SNX9: variants seen among roughly 807,000 people sequenced by gnomAD.
SNX9 encodes the protein sorting nexin-9.
In SNX9, 44 loss-of-function variants were observed where a neutral mutation model predicts 89.4. The ratio of observed to expected loss-of-function variants is 0.49; its 90% confidence interval spans 0.39 to 0.63. The LOEUF (loss-of-function observed/expected upper bound fraction) is 0.63, where lower values mean the gene tolerates loss of function less well. Among genes scored for constraint, SNX9 ranks in the 30% least tolerant of loss-of-function variants. The pLI is 0.00. For synonymous variants in SNX9, 236 were observed against 247.8 expected, an observed-to-expected ratio of 0.95 and a Z score of 0.45; for missense variants, 578 against 736.1, an observed-to-expected ratio of 0.79 and a Z score of 2.49.
At chr6:157,912,684 T>C (rs1193937016) in intron 9 of SNX9, among the ~76,000 whole-genome samples, 3 of 152,210 alleles carry the variant, frequency 2.0e-5, no homozygotes, top group Non-Finnish European at 4.4e-5. Flanking sequence ...TAGGTGATGC[T>C]ATGACATTCC....
intron 1 of SNX9, among the ~76,000 whole-genome samples, chr6:157,856,318 C>T (rs962118363): frequency 2.6e-5 from 4 of 152,186 alleles, no homozygotes; most frequent in Non-Finnish European, 4.4e-5. Flanking sequence ...CCATTATCCA[C>T]CTTTGGCAAC....
intron 4 of SNX9, among the ~76,000 whole-genome samples, chr6:157,880,134 G>A (rs796186679): frequency 3.9e-5 from 6 of 152,326 alleles, no homozygotes; most frequent in African/African-American, 1.4e-4. Flanking sequence ...GTGGTGGGAA[G>A]CATGTAAGCT....
intron 11 of SNX9, 80 bp downstream of exon 11, chr6:157,927,294 G>A (rs1783714380): frequency 1.4e-5 from 14 of 978,918 alleles, no homozygotes; most frequent in Admixed American, 1.9e-5. Flanking sequence ...CAGTGTAGCC[G>A]CAGCCGAAAC....
Position 157,935,990 on chromosome 6 carries a change from A to G in SNX9, c.1393A>G (p.Thr465Ala). ...QGETDLNDAI[T>A]EAGKTYEEIA... ...TGAAACAGATCTCAATGATGCAATA[A>G]CAGAAGCAGGAAAGACTTATGAAGA... Residue 465 changes from threonine (T) to alanine (A), a missense_variant, in exon 14 of 18, where the codon ACA becomes GCA. Thr to Ala is a moderately conservative substitution (Grantham distance 58). Around this residue, in one of 2 missense-constraint regions of SNX9, gnomAD observed 348 missense variants for 491.4 expected, o/e 0.71. Coordinates refer to ENST00000392185, the MANE Select transcript of SNX9 (RefSeq NM_016224.5). 3 of 1,613,066 alleles carry G rather than the reference A, an allele frequency of 1.9e-6. No individual in the cohort carries two copies. The highest frequency in any genetic ancestry group is 2.5e-6 in the Non-Finnish European group (3 of 1,179,406).
chr6:157,856,616 C>A (rs936850707), intron 1 of SNX9, among the ~76,000 whole-genome samples: 2 of 152,166 alleles, frequency 1.3e-5, no homozygotes, highest in Admixed American at 6.5e-5. Flanking sequence ...ATTACTATCA[C>A]GATCAATCTT....
Position 157,847,201 on chromosome 6 carries a change from C to T in SNX9, c.13-20346C>T, listed in dbSNP as rs1252974310. Reference sequence around the variant, plus strand: ...CACTGCAGCTTCCACCTCTTGGGCTCAGGTGATCCTCCTACCTCAGCCTCC... The same window carrying T: ...CACTGCAGCTTCCACCTCTTGGGCTTAGGTGATCCTCCTACCTCAGCCTCC... On this transcript the variant is annotated intron_variant, in intron 1 of 17. Coordinates refer to ENST00000392185, the MANE Select transcript of SNX9 (RefSeq NM_016224.5). Among the ~76,000 whole-genome samples the T allele has an allele frequency of 2.0e-5, 3 of 152,152 alleles. No individual in the cohort carries two copies. The East Asian group carries it at 5.8e-4, about 29-fold the overall frequency.
rs760125133 is a variant in SNX9 at position 157,909,697 on chromosome 6, T to C, written c.738T>C (p.Pro246=). 7.4e-6 allele frequency: 12 copies of C among 1,614,126 alleles called. No individual in the cohort carries two copies. The highest frequency in any genetic ancestry group is 2.2e-5 in the East Asian group (1 of 44,898). ...VGDYGPMWVY[P]TSTFDCVVAD... ...ATTATGGCCCAATGTGGGTTTATCC[T>C]ACCTCTACTTTTGACTGTGTGGTAG... The change falls in exon 8 of 18, where the codon CCT becomes CCC. Residue 246 remains proline, a synonymous_variant. Coordinates refer to ENST00000392185, the MANE Select transcript of SNX9 (RefSeq NM_016224.5).
At chr6:157,901,072 A>G (rs578135191) in intron 5 of SNX9, among the ~76,000 whole-genome samples, 135 of 152,274 alleles carry the variant, frequency 8.9e-4, no homozygotes, top group African/African-American at 3.1e-3. Flanking sequence ...TTTCTGGGAT[A>G]GGAATCTTGG....
rs1583247848 is a variant in SNX9 at position 157,935,957 on chromosome 6, T to C, written c.1367-7T>C. The C allele has an allele frequency of 1.2e-6, 2 of 1,601,220 alleles. No homozygotes were observed. The highest frequency in any genetic ancestry group is 1.7e-6 in the Non-Finnish European group (2 of 1,173,980). Reference sequence around the variant, plus strand: ...TTATAACCACTGATAAAATTGATCATTTTCAGGTGAAACAGATCTCAATGA... The same window carrying C: ...TTATAACCACTGATAAAATTGATCACTTTCAGGTGAAACAGATCTCAATGA... On this transcript the variant is annotated splice_region_variant and splice_polypyrimidine_tract_variant and intron_variant, in intron 13 of 17. Transcript: ENST00000392185.
rs1045746517 is a variant in SNX9 at position 157,938,662 on chromosome 6, C to G, written c.1563C>G (p.Asp521Glu). The change falls in exon 16 of 18, where the codon GAC (aspartate) becomes GAG (glutamate). Residue 521 changes from aspartate to glutamate, a missense_variant. Physicochemically the swap from Asp to Glu is conservative, Grantham distance 45. Around this residue, in one of 2 missense-constraint regions of SNX9, gnomAD observed 348 missense variants for 491.4 expected, o/e 0.71. Coordinates refer to ENST00000392185, the MANE Select transcript of SNX9 (RefSeq NM_016224.5). ...CAATAGAAAAAGTGAAAGAAAGTGACAAACTAGTTGCAACAAGTAAAATCA... is the reference window on the plus strand; with the variant it reads ...CAATAGAAAAAGTGAAAGAAAGTGAGAAACTAGTTGCAACAAGTAAAATCA... ...KGAIEKVKESDKLVATSKITL... is the reference protein window; with the variant it reads ...KGAIEKVKESEKLVATSKITL... 1.2e-5 allele frequency: 20 copies of G among 1,613,588 alleles called. No individual in the cohort carries two copies. The highest frequency in any genetic ancestry group is 1.5e-5 in the Non-Finnish European group (18 of 1,179,736).
At chr6:157,827,519 AGT>A (rs1554290684) in intron 1 of SNX9, among the ~76,000 whole-genome samples, 6 of 39,960 alleles carry the variant, frequency 1.5e-4, no homozygotes, top group East Asian at 4.6e-4. Flanking sequence ...ATAAACATAT[AGT>A]TTATATAATA....
Position 157,921,399 on chromosome 6 carries a change from A to G in SNX9, c.950-132A>G, listed in dbSNP as rs973513102. 8.1e-6 allele frequency: 7 copies of G among 861,070 alleles called. No homozygotes were observed. The African/African-American group carries it at 1.0e-4, about 12-fold the overall frequency. 53.3% of individuals were successfully genotyped at this position (861,070 alleles called of 1,614,324 possible). On this transcript the variant is annotated intron_variant, in intron 9 of 17. Coordinates refer to ENST00000392185, the MANE Select transcript of SNX9 (RefSeq NM_016224.5). ...TTTTTTAGATTAGTTAAAAATCTCC[A>G]TGGTTTACCTTTTGCTAAATAGCTT...
intron 4 of SNX9, among the ~76,000 whole-genome samples, chr6:157,876,067 C>T (rs1782513302): frequency 6.6e-6 from 1 of 151,178 alleles, no homozygotes; most frequent in African/African-American, 2.5e-5. Context: ...GATGTTATTT[C>T]TTGATTTTTT....
intron 13 of SNX9, among the ~76,000 whole-genome samples, chr6:157,934,541 C>T (rs1035854033): frequency 1.6e-4 from 25 of 152,168 alleles, no homozygotes; most frequent in Admixed American, 1.0e-3. Flanking sequence ...CCCCCAGGAG[C>T]GGGTGCCTCA....
intron 1 of SNX9, among the ~76,000 whole-genome samples, chr6:157,860,010 A>G (rs1735971772): frequency 6.6e-6 from 1 of 152,228 alleles, no homozygotes; most frequent in East Asian, 1.9e-4. Context: ...GAACGTGGCC[A>G]TATCCATTTG....
chr6:157,847,805 C>T (rs1238541241), intron 1 of SNX9, among the ~76,000 whole-genome samples: 1 of 152,138 alleles, frequency 6.6e-6, no homozygotes, highest in African/African-American at 2.4e-5. Context: ...TCTCTGAATG[C>T]TAATTTATTT....
intron 9 of SNX9, among the ~76,000 whole-genome samples, chr6:157,917,036 G>T (rs1338577677): frequency 6.6e-6 from 1 of 152,208 alleles, no homozygotes; most frequent in African/African-American, 2.4e-5. Flanking sequence ...TGGACCTGGA[G>T]TGTTCTTTGT....
intron 2 of SNX9, among the ~76,000 whole-genome samples, chr6:157,869,543 G>A (rs1782345762): frequency 6.6e-6 from 1 of 152,122 alleles, no homozygotes; most frequent in African/African-American, 2.4e-5. Context: ...TCTCCCTAGA[G>A]TTTTACTCTG....
intron 9 of SNX9, among the ~76,000 whole-genome samples, chr6:157,917,778 A>G (rs534107544): frequency 6.6e-6 from 1 of 152,294 alleles, no homozygotes; most frequent in African/African-American, 2.4e-5. Context: ...TTTTGAGAAT[A>G]ATAACAAGGA....
Sources: allele counts gnomAD v4.1 joint callset (sites outside exome capture counted in the v4.1 genomes callset), GRCh38; gene constraint gnomAD v4.1.1; regional missense constraint gnomAD v4.1.1; transcripts MANE v1.5; gene names NCBI Gene and HGNC (gene_info 2026-07-23, HGNC 2026-07-21).